RARB: variants seen among roughly 807,000 people sequenced by gnomAD.
RARB encodes the protein retinoic acid receptor beta.
Under a neutral mutation model 51.9 loss-of-function variants are expected in RARB, and 17 were observed. The observed-to-expected ratio is 0.33, with a 90% CI of 0.22 to 0.49. RARB has a LOEUF of 0.49. Among genes scored for constraint, RARB ranks in the 20% least tolerant of loss-of-function variants. RARB has a pLI of 0.99. For synonymous variants in RARB, 215 were observed against 195.4 expected, an observed-to-expected ratio of 1.10 and a Z score of -0.84; for missense variants, 369 against 550.8, an observed-to-expected ratio of 0.67 and a Z score of 3.30.
chr3:25,056,186 C>T (rs1015898567), intron 2 of RARB, among the ~76,000 whole-genome samples: 2 of 152,022 alleles, frequency 1.3e-5, no homozygotes, highest in African/African-American at 4.8e-5. Flanking sequence ...ACTAGGCAGC[C>T]TAAATTAGGA....
At chr3:25,423,855 T>C (rs1707921079), upstream of RARB, among the ~76,000 whole-genome samples, 2 of 152,186 alleles carry the variant, frequency 1.3e-5, no homozygotes, top group African/African-American at 2.4e-5. Context: ...AGCTAAGAGA[T>C]GGTTCGCAGC....
At chr3:25,084,880 T>C (rs916223163) in intron 3 of RARB, among the ~76,000 whole-genome samples, 1 of 152,144 alleles carries the variant, frequency 6.6e-6, no homozygotes, top group Non-Finnish European at 1.5e-5. Context: ...TACCAGCTTG[T>C]ATAAACCCTA....
chr3:25,305,235 T>C (rs1056093672), intron 5 of RARB, among the ~76,000 whole-genome samples: 1 of 152,124 alleles, frequency 6.6e-6, no homozygotes, highest in African/African-American at 2.4e-5. Flanking sequence ...TTTGCAAATG[T>C]ATCAGTGTGT....
intron 5 of RARB, among the ~76,000 whole-genome samples, chr3:25,375,515 A>C (rs1364071027): frequency 1.3e-5 from 2 of 152,204 alleles, no homozygotes; most frequent in Non-Finnish European, 2.9e-5. Context: ...CCTGGCTCCC[A>C]TCACTATTTG....
chr3:25,208,604 A>C (rs976099227), intron 5 of RARB, among the ~76,000 whole-genome samples: 2 of 151,984 alleles, frequency 1.3e-5, no homozygotes, highest in Non-Finnish European at 2.9e-5. Context: ...CTCTTTGTCT[A>C]TTCTTTTTTT....
intron 5 of RARB, among the ~76,000 whole-genome samples, chr3:25,200,625 G>T (rs1436580733): frequency 6.6e-6 from 1 of 152,140 alleles, no homozygotes; most frequent in Non-Finnish European, 1.5e-5. Context: ...TGTACAAGGT[G>T]TAAGGAAGGG....
chr3:24,980,675 T>A (rs921826237), intron 2 of RARB, among the ~76,000 whole-genome samples: 1 of 152,190 alleles, frequency 6.6e-6, no homozygotes, highest in Non-Finnish European at 1.5e-5. Flanking sequence ...TAACCTTTTT[T>A]CATGGTTTTT....
At position 25,158,344 on chromosome 3, in the gene RARB, C is replaced by T. The variant is rs138466209; in HGVS notation, c.-279-15775C>T. On this transcript the variant is annotated intron_variant, in intron 4 of 11. Transcript: ENST00000383772. ...TTAGAAATATTATTTTTCAATAGTT[C>T]CATGGCTTGCATTCTTTGTTACAAT... is the stretch of plus-strand genomic sequence containing the variant. Among the ~76,000 whole-genome samples, 245 of 152,276 alleles carry T rather than the reference C, an allele frequency of 1.6e-3. 1 individual carries two copies. The highest frequency in any genetic ancestry group is 5.8e-3 in the African/African-American group (241 of 41,552).
At chr3:25,553,195 C>T (rs1270544535) in intron 3 of RARB, among the ~76,000 whole-genome samples, 1 of 148,854 alleles carries the variant, frequency 6.7e-6, no homozygotes, top group Non-Finnish European at 1.5e-5. Flanking sequence ...TAAAACACAA[C>T]TATATTGATT....
intron 3 of RARB, among the ~76,000 whole-genome samples, chr3:25,514,232 A>T (rs1249095757): frequency 6.6e-6 from 1 of 152,208 alleles, no homozygotes; most frequent in Non-Finnish European, 1.5e-5. Flanking sequence ...CTGGAGTGGT[A>T]TCAAGGACTT....
chr3:25,344,400 G>A (rs1318181597), intron 5 of RARB, among the ~76,000 whole-genome samples: 2 of 152,138 alleles, frequency 1.3e-5, no homozygotes, highest in African/African-American at 4.8e-5. Context: ...TGAGAGATTG[G>A]TAAGTGGTTG....
chr3:25,566,410 C>T (rs988359264), intron 3 of RARB, among the ~76,000 whole-genome samples: 1 of 152,140 alleles, frequency 6.6e-6, no homozygotes, highest in Non-Finnish European at 1.5e-5. Flanking sequence ...TGGAAAGTAG[C>T]CTGAGGTTAC....
intron 2 of RARB, among the ~76,000 whole-genome samples, chr3:24,945,816 C>A (rs947759043): frequency 4.6e-5 from 7 of 152,206 alleles, no homozygotes; most frequent in Non-Finnish European, 8.8e-5. Context: ...GTCAGTGAGG[C>A]ATCCACAGGG....
intron 5 of RARB, among the ~76,000 whole-genome samples, chr3:25,188,138 A>T (rs901719633): frequency 6.6e-5 from 10 of 152,090 alleles, no homozygotes; most frequent in African/African-American, 2.4e-4. Context: ...TGGGGTATCC[A>T]TGTGGGTTTA....
At chr3:25,546,550 A>G (rs1203222951) in intron 3 of RARB, among the ~76,000 whole-genome samples, 1 of 152,206 alleles carries the variant, frequency 6.6e-6, no homozygotes, top group Admixed American at 6.5e-5. Flanking sequence ...TCAGAATGTC[A>G]GCAACTCGTT....
chr3:25,314,690 A>T (rs1449389286), intron 5 of RARB, among the ~76,000 whole-genome samples: 1 of 152,016 alleles, frequency 6.6e-6, no homozygotes, highest in Non-Finnish European at 1.5e-5. Context: ...TTAATTTTTT[A>T]AAATACTTTC....
In RARB at chr3:25,461,005, C is replaced by T. The variant is rs74820342; in HGVS notation, c.158-188C>T. On this transcript the variant is annotated intron_variant, in intron 1 of 7. Transcript: ENST00000330688. ...GAGATGTATGAGACTGCTTTGTAAA[C>T]CGTAGAGTACCACATCAATGTCAGT... is the stretch of plus-strand genomic sequence containing the variant. 0.041 allele frequency among the ~76,000 whole-genome samples: 6,182 copies of T among 152,230 alleles called. 273 individuals are homozygous for T. Among genetic ancestry groups the T allele is most frequent in the African/African-American group, 0.11 (4,655 of 41,510 alleles).
chr3:25,199,088 A>T (rs748333779), intron 5 of RARB, among the ~76,000 whole-genome samples: 19 of 152,170 alleles, frequency 1.2e-4, no homozygotes, highest in Non-Finnish European at 2.6e-4. Flanking sequence ...TGGTATGTAT[A>T]CACAATGGAG....
intron 4 of RARB, among the ~76,000 whole-genome samples, chr3:25,168,892 G>A (rs1700599717): frequency 6.6e-6 from 1 of 152,128 alleles, no homozygotes; most frequent in African/African-American, 2.4e-5. Context: ...TTTACTAAGT[G>A]CATAACACAA....
Sources: allele counts gnomAD v4.1 joint callset (sites outside exome capture counted in the v4.1 genomes callset), GRCh38; gene constraint gnomAD v4.1.1; transcripts MANE v1.5; gene names NCBI Gene and HGNC (gene_info 2026-07-23, HGNC 2026-07-21).